Variants in PCDHGA1 observed in about 807,000 individuals in gnomAD.
PCDHGA1 encodes protocadherin gamma subfamily A, 1.
In PCDHGA1, 32 loss-of-function variants were observed where a neutral mutation model predicts 58.0. The observed-to-expected ratio is 0.55, with a 90% CI of 0.42 to 0.74. The LOEUF is 0.74. PCDHGA1 is among the 30% of genes least tolerant of loss of function. PCDHGA1 has a pLI of 0.00. For synonymous variants in PCDHGA1, 498 were observed against 501.1 expected, an observed-to-expected ratio of 0.99 and a Z score of 0.08; for missense variants, 1,205 against 1,182.3, an observed-to-expected ratio of 1.02 and a Z score of -0.28.
chr5:141,351,254 G>A, intron 1 of PCDHGA1: 2 of 1,614,020 alleles, frequency 1.2e-6, no homozygotes, highest in Non-Finnish European at 1.7e-6. Context: ...TGTTCAAATA[G>A]AAATTGTTGA....
chr5:141,399,310 A>G, intron 1 of PCDHGA1: 2 of 1,613,936 alleles, frequency 1.2e-6, no homozygotes, highest in Non-Finnish European at 1.7e-6. Context: ...CTCTTCATCC[A>G]AAAATTCGTA....
At chr5:141,440,150 A>G (rs770863453) in intron 1 of PCDHGA1, 1 of 152,244 alleles carries the variant, frequency 6.6e-6, no homozygotes, top group African/African-American at 2.4e-5. Context: ...ACGCCCCCCA[A>G]TTATAGCTTG....
At position 141,399,956 on chromosome 5, in the gene PCDHGA1, C is replaced by T. The variant is rs760477759; in HGVS notation, c.2421+66851C>T. On this transcript the variant is annotated intron_variant, in intron 1 of 3. Coordinates refer to ENST00000517417, the MANE Select transcript of PCDHGA1 (RefSeq NM_018912.3). ...TACCACGTGCTGCAGGCTAGCGAGC[C>T]CGGGCTCTTCAGCCTGGGGCTGCGC... is the stretch of plus-strand genomic sequence containing the variant. 106 of 1,612,048 alleles carry T rather than the reference C, an allele frequency of 6.6e-5. No homozygotes were observed. Among genetic ancestry groups the T allele is most frequent in the Middle Eastern group, 1.9e-4 (1 of 5,240 alleles).
At chr5:141,355,245 G>C (rs1451963351) in intron 1 of PCDHGA1, 6 of 1,613,186 alleles carry the variant, frequency 3.7e-6, no homozygotes, top group Non-Finnish European at 5.1e-6. Flanking sequence ...GGCTGCTCCA[G>C]ATCTGCCTTC....
intron 1 of PCDHGA1, chr5:141,391,260 A>G (rs2092328802): frequency 1.3e-5 from 2 of 152,128 alleles, no homozygotes; most frequent in African/African-American, 4.8e-5. Flanking sequence ...TGCTTCAGTT[A>G]ATGGCCACTT....
intron 1 of PCDHGA1, chr5:141,398,512 C>G: frequency 1.3e-6 from 2 of 1,588,756 alleles, no homozygotes; most frequent in Non-Finnish European, 1.7e-6. Context: ...CATTAATGAC[C>G]ACACGCCAAA....
At chr5:141,375,704 C>T in intron 1 of PCDHGA1, 2 of 1,614,268 alleles carry the variant, frequency 1.2e-6, no homozygotes, top group Non-Finnish European at 1.7e-6. Flanking sequence ...CGGGGACCCG[C>T]CTCTTAGCAG....
At chr5:141,351,213 A>G in intron 1 of PCDHGA1, 1 of 1,614,080 alleles carries the variant, frequency 6.2e-7, no homozygotes, top group Non-Finnish European at 8.5e-7. Flanking sequence ...GTGGAAGCTA[A>G]GGATGGAGGA....
At chr5:141,357,145 C>A in intron 1 of PCDHGA1, 1 of 1,613,564 alleles carries the variant, frequency 6.2e-7, no homozygotes, top group Non-Finnish European at 8.5e-7. Flanking sequence ...CGTCCAGGAC[C>A]ATGGCCAGCC....
At chr5:141,397,110 C>T (rs561188757) in intron 1 of PCDHGA1, among the ~76,000 whole-genome samples, 1 of 152,324 alleles carries the variant, frequency 6.6e-6, no homozygotes, top group African/African-American at 2.4e-5. Context: ...ATGCAATCCA[C>T]TAGAATATCC....
At chr5:141,361,145 T>C (rs1561522741) in intron 1 of PCDHGA1, 2 of 1,613,964 alleles carry the variant, frequency 1.2e-6, no homozygotes, top group South Asian at 2.2e-5. Flanking sequence ...CAAGTTGAAA[T>C]TCTTGATGAC....
chr5:141,421,239 G>C, intron 1 of PCDHGA1: 1 of 1,599,000 alleles, frequency 6.3e-7, no homozygotes, highest in South Asian at 1.1e-5. Flanking sequence ...TGGCGAATCG[G>C]CTACAGCGCG....
chr5:141,360,173 G>A, intron 1 of PCDHGA1: 1 of 1,609,062 alleles, frequency 6.2e-7, no homozygotes, highest in African/African-American at 1.3e-5. Flanking sequence ...CTGGTGCGGT[G>A]GCTGCAGGTA....
chr5:141,366,665 C>A (rs779874955), intron 1 of PCDHGA1: 2 of 1,614,100 alleles, frequency 1.2e-6, no homozygotes, highest in East Asian at 4.5e-5. Context: ...CGCAGACACG[C>A]TCCTTAGTGA....
At chr5:141,399,454 G>A in intron 1 of PCDHGA1, 1 of 1,613,992 alleles carries the variant, frequency 6.2e-7, no homozygotes. Flanking sequence ...AGACGTCAAC[G>A]ATAACGCTCC....
intron 1 of PCDHGA1, chr5:141,419,684 G>A (rs1286646418): frequency 5.4e-5 from 87 of 1,612,770 alleles, no homozygotes; most frequent in Non-Finnish European, 7.3e-5. Flanking sequence ...CTACCACGTG[G>A]TGCAGGCCAG....
chr5:141,383,168 T>C, intron 1 of PCDHGA1: 1 of 1,614,096 alleles, frequency 6.2e-7, no homozygotes. Flanking sequence ...GCGGGCAGGA[T>C]AGACCGGGAA....
At position 141,426,001 on chromosome 5, in the gene PCDHGA1, T is replaced by C. The variant is rs553657872; in HGVS notation, c.2422-68806T>C. Among the ~76,000 whole-genome samples, 3 of 152,318 alleles carry C rather than the reference T, an allele frequency of 2.0e-5. No individual in the cohort carries two copies. In the South Asian group the frequency reaches 6.2e-4, roughly 32 times the overall value. The stretch of plus-strand genomic sequence containing the variant: ...TGAATCCCATTGAATTAGCAAAGGC[T>C]TCCGGCTGCAGTTTTCTAAATAGAC... On this transcript the variant is annotated intron_variant, in intron 1 of 3. Transcript: ENST00000517417.
chr5:141,371,458 A>G, intron 1 of PCDHGA1: 2 of 1,613,996 alleles, frequency 1.2e-6, no homozygotes. Flanking sequence ...GAATCCCAAC[A>G]TATACAAGAA....
Sources: gnomAD v4.1 joint callset for allele counts (sites outside exome capture counted in the v4.1 genomes callset) on GRCh38, gnomAD v4.1.1 for gene constraint, MANE v1.5 for transcripts, NCBI Gene and HGNC (gene_info 2026-07-23, HGNC 2026-07-21) for gene names.